BSPRY: variants seen among roughly 807,000 people sequenced by gnomAD.
BSPRY encodes B box and SPRY domain-containing protein.
A neutral mutation model predicts 38.0 loss-of-function variants in BSPRY; 33 were observed. The observed-to-expected ratio is 0.87, with a 90% CI of 0.66 to 1.16. The LOEUF (loss-of-function observed/expected upper bound fraction) is 1.16. Ranked by LOEUF, BSPRY falls within the 50% of genes most tolerant of loss-of-function variation. BSPRY has a pLI of 0.00. For missense variants in BSPRY, 523 were observed against 533.2 expected (o/e 0.98, Z 0.19); for synonymous variants, 224 against 228.5 (o/e 0.98, Z 0.18).
At chr9:113,352,193 G>A (rs577111243) in intron 1 of BSPRY, among the ~76,000 whole-genome samples, 81 of 152,278 alleles carry the variant, frequency 5.3e-4, no homozygotes, top group Non-Finnish European at 1.0e-3. Flanking sequence ...ACCTCTTGTG[G>A]TCAAGGCAGT....
Position 113,371,057 on chromosome 9 carries a change from GC to G in BSPRY, c.*916del, listed in dbSNP as rs1203983337. On this transcript the variant is annotated 3_prime_UTR_variant, in exon 6 of 6. Transcript: ENST00000374183. ...CTCCAGCCTGTGCCCACTGATAATA[GC>G]AGGGACGGCCTTTTCTCTTAGAGCA... The G allele has an allele frequency of 5.5e-5, 8 of 146,040 alleles. No individual in the cohort carries two copies. The highest frequency in any genetic ancestry group is 1.2e-4 in the Non-Finnish European group (8 of 64,266). The allele number at this position is 146,040 out of a possible 1,614,324, so 9.0% of individuals were successfully genotyped here. A position where few individuals can be genotyped will look rare whatever the true frequency, so the allele number is the denominator to read the frequency against.
Position 113,365,802 on chromosome 9 carries a change from C to CTTTT in BSPRY, c.558-2440_558-2437dup, listed in dbSNP as rs139762130. Among the ~76,000 whole-genome samples the CTTTT allele has an allele frequency of 2.2e-4, 24 of 106,732 alleles. 1 individual carries two copies. The highest frequency in any genetic ancestry group is 3.3e-4 in the Admixed American group (3 of 9,042). 70.0% of individuals were successfully genotyped at this position (106,732 alleles called of 152,430 possible). On this transcript the variant is annotated intron_variant, in intron 4 of 5. Transcript: ENST00000374183. ...GATGCATGAGTTTGTGTCACAGCTT[C>CTTTT]TTTTTTTTTTTTTTTTTTTTGAGAT... is the stretch of plus-strand genomic sequence containing the variant.
chr9:113,364,298 ACTT>A (rs1201737436), intron 4 of BSPRY, among the ~76,000 whole-genome samples: 55 of 152,212 alleles, frequency 3.6e-4, no homozygotes, highest in Non-Finnish European at 8.8e-5. Context: ...CATTCACGTC[ACTT>A]TTTTGAAAGT....
intron 1 of BSPRY, 124 bp from the exon 2 acceptor site, chr9:113,354,116 T>G: frequency 1.4e-5 from 10 of 701,684 alleles, no homozygotes; most frequent in Non-Finnish European, 2.5e-5. Context: ...TTGATAATGA[T>G]GAGATCTGGG....
intron 4 of BSPRY, 56 bp from the exon 5 acceptor site, chr9:113,368,203 C>A: frequency 1.3e-6 from 2 of 1,597,658 alleles, no homozygotes; most frequent in Non-Finnish European, 1.7e-6. Context: ...CCATATTGAT[C>A]CAGATATATT....
At chr9:113,368,799 C>G (rs897884604) in intron 5 of BSPRY, among the ~76,000 whole-genome samples, 1 of 152,168 alleles carries the variant, frequency 6.6e-6, no homozygotes, top group East Asian at 1.9e-4. Context: ...CTGACTCAGG[C>G]CAACTGTGGG....
intron 4 of BSPRY, among the ~76,000 whole-genome samples, chr9:113,364,035 A>G (rs1479081900): frequency 2.0e-5 from 3 of 151,054 alleles, no homozygotes; most frequent in Non-Finnish European, 4.4e-5. Flanking sequence ...AAAATACAAA[A>G]ATTAGCTAGG....
In BSPRY at chr9:113,361,434, G is replaced by C. The variant is rs78715814; in HGVS notation, c.531+697G>C. Reference sequence around the variant, plus strand: ...ATGTGAAGCACTGTGCTATGGGGCAGAGTAACGAGATGCAGCTGTCAGCTG... The same window carrying C: ...ATGTGAAGCACTGTGCTATGGGGCACAGTAACGAGATGCAGCTGTCAGCTG... On this transcript the variant is annotated intron_variant, in intron 3 of 5. Coordinates refer to ENST00000374183, the MANE Select transcript of BSPRY (RefSeq NM_017688.3). 6.4e-3 allele frequency among the ~76,000 whole-genome samples: 981 copies of C among 152,324 alleles called. 68 individuals carry two copies. The East Asian group carries it at 0.17, about 26-fold the overall frequency.
In BSPRY at chr9:113,360,661, A is replaced by T. The variant is rs770174612; in HGVS notation, c.455A>T (p.Glu152Val). The change falls in exon 3 of 6, where the codon GAG (glutamate) becomes GTG (valine). Residue 152 changes from glutamate to valine, a missense_variant. Glu to Val is a moderately radical substitution (Grantham distance 121). Transcript: ENST00000374183. ...SILTQRVHWA[E>V]ALQKLDTIRT... is the part of the protein sequence containing the mutation. ...CTGACACAGCGGGTGCACTGGGCCG[A>T]GGCGCTGCAGAAACTTGACACCATC... 6.2e-7 allele frequency: 1 copy of T among 1,608,526 alleles called. No individual in the cohort carries two copies. The highest frequency in any genetic ancestry group is 8.5e-7 in the Non-Finnish European group (1 of 1,178,492).
In BSPRY at chr9:113,349,905, C is replaced by T. The variant is rs895334492; in HGVS notation, c.201+125C>T. On this transcript the variant is annotated intron_variant, in intron 1 of 5. Coordinates refer to ENST00000374183, the MANE Select transcript of BSPRY (RefSeq NM_017688.3). Reference sequence around the variant, plus strand: ...GACACCCGGCCCCGGAGCCTAGGCTCCTCGGTGGCTTTGGCTGTAGGACTA... The same window carrying T: ...GACACCCGGCCCCGGAGCCTAGGCTTCTCGGTGGCTTTGGCTGTAGGACTA... 5.2e-6 allele frequency: 6 copies of T among 1,162,344 alleles called. No individual in the cohort carries two copies. The African/African-American group carries it at 9.7e-5, about 19-fold the overall frequency. The allele number at this position is 1,162,344 out of a possible 1,614,324, so 72.0% of individuals were successfully genotyped here.
rs1046064838 is a variant in BSPRY, at chr9:113,350,834, G to A, written c.201+1054G>A. ...GATGACAAAAATAAACCTGGATAAC[G>A]CGGTGTAATCAACTTGCATAATGGA... On this transcript the variant is annotated intron_variant, in intron 1 of 5. Coordinates refer to ENST00000374183, the MANE Select transcript of BSPRY (RefSeq NM_017688.3). 2.0e-4 allele frequency among the ~76,000 whole-genome samples: 30 copies of A among 152,148 alleles called. 1 individual carries two copies. The highest frequency in any genetic ancestry group is 7.4e-5 in the Non-Finnish European group (5 of 68,026).
At position 113,349,562 on chromosome 9, in the gene BSPRY, C is replaced by G; in HGVS notation, c.-18C>G. The G allele has an allele frequency of 8.8e-7, 1 of 1,134,636 alleles. No homozygotes were observed. The highest frequency in any genetic ancestry group is 1.6e-5 in the African/African-American group (1 of 60,822). The allele number at this position is 1,134,636 out of a possible 1,614,324, so 70.3% of individuals were successfully genotyped here. A position where few individuals can be genotyped will look rare whatever the true frequency, so the allele number is the denominator to read the frequency against. On this transcript the variant is annotated 5_prime_UTR_variant, in exon 1 of 6. Transcript: ENST00000374183. ...CGCCACCTGCGACAGGTGGAGCGCA[C>G]GGGGCGGGCGCACGGCCATGTCCGC...
In BSPRY at chr9:113,362,174, G is replaced by GGTGGGTGGGTGT. The variant is rs368410256; in HGVS notation, c.532-192_532-191insGGTGGGTGTGTG. ...TGATTCATTCTGAGCATGTGTTATG[G>GGTGGGTGGGTGT]GTGTGTGTGTGTGTGTGTGTGTGTG... On this transcript the variant is annotated intron_variant, in intron 3 of 5. Transcript: ENST00000374183. 4.2e-5 allele frequency among the ~76,000 whole-genome samples: 6 copies of GGTGGGTGGGTGT among 141,344 alleles called. No individual in the cohort carries two copies. In the East Asian group the frequency reaches 1.3e-3, roughly 30 times the overall value. The allele number at this position is 141,344 out of a possible 152,430, so 92.7% of individuals were successfully genotyped here.
At chr9:113,353,928 C>T (rs902115835) in intron 1 of BSPRY, among the ~76,000 whole-genome samples, 3 of 151,950 alleles carry the variant, frequency 2.0e-5, no homozygotes, top group African/African-American at 4.8e-5. Flanking sequence ...GGGATGAAGA[C>T]GGAGGTGAGG....
At chr9:113,354,204 T>C (rs764636207) in intron 1 of BSPRY, 36 bp from the exon 2 acceptor site, 52 of 1,581,506 alleles carry the variant, frequency 3.3e-5, no homozygotes, top group Non-Finnish European at 4.4e-5. Flanking sequence ...CTCAGGTACA[T>C]GGACCAAGAT....
chr9:113,357,856 G>A (rs1042330480), intron 2 of BSPRY, among the ~76,000 whole-genome samples: 1 of 127,162 alleles, frequency 7.9e-6, no homozygotes, highest in Non-Finnish European at 1.7e-5. Flanking sequence ...TTACCAGCAT[G>A]ACCCGGTACT....
At chr9:113,354,184 G>A (rs1588061176) in intron 1 of BSPRY, 56 bp from the exon 2 acceptor site, 1 of 1,415,834 alleles carries the variant, frequency 7.1e-7, no homozygotes, top group South Asian at 1.2e-5. Flanking sequence ...CACTGGGATG[G>A]AGTGAATGGC....
intron 4 of BSPRY, among the ~76,000 whole-genome samples, chr9:113,367,485 T>C (rs1288667408): frequency 6.6e-6 from 1 of 152,166 alleles, no homozygotes; most frequent in African/African-American, 2.4e-5. Flanking sequence ...GAGGAGTGGC[T>C]GTACCTTCTG....
intron 1 of BSPRY, among the ~76,000 whole-genome samples, chr9:113,351,808 T>C (rs1833976683): frequency 6.6e-6 from 1 of 152,094 alleles, no homozygotes. Flanking sequence ...TATTTACTTA[T>C]ATTTATTTAT....
Sources: gnomAD v4.1 joint callset for allele counts (sites outside exome capture counted in the v4.1 genomes callset) on GRCh38, gnomAD v4.1.1 for gene constraint, MANE v1.5 for transcripts, NCBI Gene and HGNC (gene_info 2026-07-23, HGNC 2026-07-21) for gene names.